The following RUNX1 variants were observed in gnomAD, a reference collection of about 807,000 sequenced individuals.
RUNX1 encodes the protein RUNX family transcription factor 1.
Under a neutral mutation model 42.8 loss-of-function variants are expected in RUNX1, and 19 were observed. That is an observed-to-expected ratio of 0.44 (90% CI 0.31 to 0.65). RUNX1 has a LOEUF of 0.65. RUNX1 is among the 30% of genes least tolerant of loss of function. The pLI, the probability that RUNX1 is intolerant of heterozygous loss-of-function variation, is 0.07. For synonymous variants in RUNX1, 271 were observed against 289.4 expected, an observed-to-expected ratio of 0.94 and a Z score of 0.64; for missense variants, 528 against 672.0, an observed-to-expected ratio of 0.79 and a Z score of 2.37.
chr21:35,013,143 C>G (rs1485629076), intron 2 of RUNX1, among the ~76,000 whole-genome samples: 1 of 152,196 alleles, frequency 6.6e-6, no homozygotes, highest in African/African-American at 2.4e-5. Flanking sequence ...ATACACACAT[C>G]TACATCATTT....
At chr21:34,845,010 T>C (rs1331819972) in intron 6 of RUNX1, among the ~76,000 whole-genome samples, 1 of 152,228 alleles carries the variant, frequency 6.6e-6, no homozygotes, top group Admixed American at 6.5e-5. Flanking sequence ...GTTTGTGTCA[T>C]GACAGCCTCA....
At chr21:35,035,753 T>G (rs1230727890) in intron 2 of RUNX1, among the ~76,000 whole-genome samples, 3 of 152,208 alleles carry the variant, frequency 2.0e-5, no homozygotes, top group Non-Finnish European at 2.9e-5. Context: ...CCCTCTCGTT[T>G]GACGCGGACT....
chr21:35,011,947 G>T (rs2059129366), intron 2 of RUNX1, among the ~76,000 whole-genome samples: 1 of 152,146 alleles, frequency 6.6e-6, no homozygotes, highest in Admixed American at 6.6e-5. Context: ...AGTCATTCCA[G>T]CCAAAGCTTT....
chr21:35,047,514 A>ACAC (rs2059405168), intron 2 of RUNX1, among the ~76,000 whole-genome samples: 1 of 70,584 alleles, frequency 1.4e-5, no homozygotes, highest in African/African-American at 5.2e-5. Context: ...TGCCATCTCC[A>ACAC]ACACACACAC....
chr21:34,967,434 A>G (rs567259214), intron 2 of RUNX1, among the ~76,000 whole-genome samples: 8 of 150,590 alleles, frequency 5.3e-5, no homozygotes, highest in Non-Finnish European at 1.0e-4. Context: ...CCGAGACTCA[A>G]CTGTGCCACG....
chr21:34,799,858 A>G (rs986729408), intron 7 of RUNX1, among the ~76,000 whole-genome samples: 1 of 152,218 alleles, frequency 6.6e-6, no homozygotes, highest in African/African-American at 2.4e-5. Flanking sequence ...CATCATCAGA[A>G]ACATTTTATA....
At chr21:35,031,453 G>T (rs2059272513) in intron 2 of RUNX1, among the ~76,000 whole-genome samples, 1 of 151,964 alleles carries the variant, frequency 6.6e-6, no homozygotes, top group Non-Finnish European at 1.5e-5. Flanking sequence ...CTGTATGGAG[G>T]TTCCCCCCAA....
intron 3 of RUNX1, chr21:34,887,377 A>T: frequency 7.1e-7 from 1 of 1,416,732 alleles, no homozygotes; most frequent in Non-Finnish European, 9.2e-7. Flanking sequence ...AGTGCATTAA[A>T]AAGTGGAGAC....
intron 2 of RUNX1, among the ~76,000 whole-genome samples, chr21:35,006,542 T>C (rs2834724): frequency 2.6e-5 from 4 of 151,950 alleles, no homozygotes; most frequent in Non-Finnish European, 5.9e-5. Context: ...ATTCTGCTGG[T>C]TGACTTTGGG....
chr21:34,854,114 C>T (rs1005137815), intron 6 of RUNX1, among the ~76,000 whole-genome samples: 1 of 152,044 alleles, frequency 6.6e-6, no homozygotes, highest in Non-Finnish European at 1.5e-5. Context: ...GCGCCTGGCC[C>T]ATAGGTACTT....
intron 6 of RUNX1, among the ~76,000 whole-genome samples, chr21:34,845,424 T>C (rs1201172029): frequency 6.6e-6 from 1 of 152,196 alleles, no homozygotes; most frequent in Non-Finnish European, 1.5e-5. Context: ...GGTACACAAC[T>C]TCCCCCTGGC....
chr21:35,036,470 C>T (rs2059309198), intron 2 of RUNX1, among the ~76,000 whole-genome samples: 1 of 152,064 alleles, frequency 6.6e-6, no homozygotes, highest in Non-Finnish European at 1.5e-5. Context: ...CTTCAGCATG[C>T]CGAACCCCTC....
chr21:35,048,643 C>T (rs2147040772), intron 2 of RUNX1, among the ~76,000 whole-genome samples, 199 bp downstream of exon 2: 1 of 152,356 alleles, frequency 6.6e-6, no homozygotes, highest in East Asian at 1.9e-4. Flanking sequence ...TTTATTAAAA[C>T]ATTTCTGAAG....
intron 2 of RUNX1, among the ~76,000 whole-genome samples, chr21:34,927,491 A>G (rs537941778): frequency 7.4e-4 from 113 of 152,194 alleles, no homozygotes; most frequent in African/African-American, 2.5e-3. Flanking sequence ...TGGGTCAAAA[A>G]CGGTTTCTCT....
intron 2 of RUNX1, among the ~76,000 whole-genome samples, chr21:34,900,613 A>C (rs1396492226): frequency 6.6e-6 from 1 of 152,188 alleles, no homozygotes; most frequent in East Asian, 1.9e-4. Flanking sequence ...TGACAACACC[A>C]CTAATGCATT....
chr21:34,840,055 G>A (rs1055343715), intron 6 of RUNX1, among the ~76,000 whole-genome samples: 8 of 152,080 alleles, frequency 5.3e-5, no homozygotes, highest in South Asian at 2.1e-4. Flanking sequence ...GTGTGTGACC[G>A]TCTCTGTCTC....
intron 2 of RUNX1, among the ~76,000 whole-genome samples, chr21:35,023,159 G>A (rs959369157): frequency 6.6e-6 from 1 of 151,992 alleles, no homozygotes; most frequent in African/African-American, 2.4e-5. Flanking sequence ...GCCCAGTCTG[G>A]TCTCAAACTC....
At chr21:34,888,793 G>A in intron 3 of RUNX1, 1 of 637,898 alleles carries the variant, frequency 1.6e-6, no homozygotes, top group South Asian at 7.1e-5. Context: ...GCCAATCACA[G>A]GCCTTTCCGG....
At chr21:34,923,353 T>C (rs529671325) in intron 2 of RUNX1, among the ~76,000 whole-genome samples, 1 of 152,336 alleles carries the variant, frequency 6.6e-6, no homozygotes, top group East Asian at 1.9e-4. Context: ...TTCATTTCTT[T>C]CCAGTTCAGA....
Sources: allele counts gnomAD v4.1 joint callset (sites outside exome capture counted in the v4.1 genomes callset), GRCh38; gene constraint gnomAD v4.1.1; transcripts MANE v1.5; gene names NCBI Gene and HGNC (gene_info 2026-07-23, HGNC 2026-07-21).